The following SMCR8 variants were observed in gnomAD, a reference collection of about 807,000 sequenced individuals.
SMCR8 encodes SMCR8-C9orf72 complex subunit.
A neutral mutation model predicts 56.6 loss-of-function variants in SMCR8; 30 were observed. The observed-to-expected ratio is 0.53, with a 90% CI of 0.40 to 0.72. SMCR8 has a LOEUF of 0.72. Among genes scored for constraint, SMCR8 ranks in the 30% least tolerant of loss-of-function variants. SMCR8 has a pLI of 0.00. For missense variants in SMCR8, 1,198 were observed against 1,157.0 expected, an observed-to-expected ratio of 1.04 and a Z score of -0.51; for synonymous variants, 538 against 456.0, an observed-to-expected ratio of 1.18 and a Z score of -2.29.
At chr17:18,321,464 C>T (rs8074444) in intron 1 of SMCR8, among the ~76,000 whole-genome samples, 59,143 of 152,096 alleles carry the variant, frequency 0.39, 13,234 homozygotes, top group African/African-American at 0.61. Flanking sequence ...GTAGTGATGG[C>T]GATGACAGCA....
intron 1 of SMCR8, among the ~76,000 whole-genome samples, chr17:18,318,406 TA>T (rs1982398851): frequency 6.6e-6 from 1 of 152,198 alleles, no homozygotes; most frequent in Non-Finnish European, 1.5e-5. Context: ...TTTTTATTTT[TA>T]TTTTTATTTT....
At position 18,322,946 on chromosome 17, in the gene SMCR8, AGGATGTTAGGGT is replaced by A; in HGVS notation, c.2693_2704del (p.Asp898_Val901del). 6.2e-7 allele frequency: 1 copy of A among 1,614,216 alleles called. No homozygotes were observed. On this transcript the variant is annotated inframe_deletion, in exon 2 of 2. Coordinates refer to ENST00000406438, the MANE Select transcript of SMCR8 (RefSeq NM_144775.3). ...AAGCTGACCCTGGGTCTGGTGAATG[AGGATGTTAGGGT>A]GGTCCAGTACCTGGCTGAGCTGCTG...
In SMCR8 at chr17:18,316,818, C is replaced by T. The variant is rs754667803; in HGVS notation, c.1029C>T (p.His343=). The part of the protein sequence containing the change: ...QTLAQLSHIE[H]MFRGDLCYLL... ...TGGCTCAGCTCAGCCACATTGAACA[C>T]ATGTTCAGAGGAGACCTGTGTTACC... The change falls in exon 1 of 2, where the codon CAC becomes CAT. Residue 343 remains histidine (H), a synonymous_variant. Transcript: ENST00000406438. 77 of 1,614,118 alleles carry T rather than the reference C, an allele frequency of 4.8e-5. No individual in the cohort carries two copies. The highest frequency in any genetic ancestry group is 6.5e-5 in the Non-Finnish European group (77 of 1,180,048).
In SMCR8 at chr17:18,321,931, G is replaced by A. The variant is rs187914060; in HGVS notation, c.2361-686G>A. On this transcript the variant is annotated intron_variant, in intron 1 of 1. Transcript: ENST00000406438. ...AGGTCACAGCAGGAAAGCAGGAGAG[G>A]ATCAGGGAAGGCTGAATATGCTTTA... 1.3e-3 allele frequency among the ~76,000 whole-genome samples: 197 copies of A among 152,354 alleles called. 1 individual carries two copies. The highest frequency in any genetic ancestry group is 0.01 in the Middle Eastern group (3 of 294).
At chr17:18,322,593 C>T in intron 1 of SMCR8, 24 bp from the exon 2 acceptor site, 2 of 1,604,476 alleles carry the variant, frequency 1.2e-6, no homozygotes, top group Non-Finnish European at 1.7e-6. Flanking sequence ...GCCCTTCCTC[C>T]TGACCTTGGC....
chr17:18,318,867 C>T (rs572169001), intron 1 of SMCR8, among the ~76,000 whole-genome samples: 6 of 152,202 alleles, frequency 3.9e-5, no homozygotes, highest in Admixed American at 2.0e-4. Flanking sequence ...CAGATGACTC[C>T]GGGGGAAAGG....
chr17:18,319,802 C>T, intron 1 of SMCR8, among the ~76,000 whole-genome samples: 1 of 152,186 alleles, frequency 6.6e-6, no homozygotes, highest in East Asian at 1.9e-4. Flanking sequence ...CCCACTGCAG[C>T]CTCTGCTTCC....
In SMCR8 at chr17:18,325,211, G is replaced by T. The variant is rs1349470490; in HGVS notation, c.*2141G>T. Reference sequence around the variant, plus strand: ...CACAGCTCATACTGTTCTCACCTGGGAAACTTGGGAAGGGCTGATGAGTTT... The same window carrying T: ...CACAGCTCATACTGTTCTCACCTGGTAAACTTGGGAAGGGCTGATGAGTTT... On this transcript the variant is annotated 3_prime_UTR_variant, in exon 2 of 2. Transcript: ENST00000406438. The T allele has an allele frequency of 6.6e-6, 1 of 152,260 alleles. No homozygotes were observed. The highest frequency in any genetic ancestry group is 1.5e-5 in the Non-Finnish European group (1 of 68,066). 9.4% of individuals were successfully genotyped at this position (152,260 alleles called of 1,614,324 possible).
chr17:18,322,878 G>A lies in SMCR8; in HGVS notation c.2622G>A (p.Lys874=). The A allele has an allele frequency of 6.2e-7, 1 of 1,614,148 alleles. No homozygotes were observed. Among genetic ancestry groups the A allele is most frequent in the Non-Finnish European group, 8.5e-7 (1 of 1,179,976 alleles). ...ACCTGCACCTGCCTACCCACGACAA[G>A]GAGACAGAGGAGCTGGTAGCCAGCC... ...CHHLHLPTHD[K]ETEELVASRQ... Residue 874 remains lysine (K), a synonymous_variant, in exon 2 of 2, where the codon AAG becomes AAA. Transcript: ENST00000406438.
At position 18,316,266 on chromosome 17, in the gene SMCR8, T is replaced by G. The variant is rs750626400; in HGVS notation, c.477T>G (p.Ser159=). ...FVRPFCMAYI[S]ADQHKIMQQF... is the part of the protein sequence containing the mutation. The stretch of plus-strand genomic sequence containing the variant: ...GGCCGTTTTGCATGGCTTATATCTC[T>G]GCAGACCAGCATAAAATCATGCAGC... Residue 159 remains serine (S), a synonymous_variant, in exon 1 of 2, where the codon TCT becomes TCG. Transcript: ENST00000406438. 1.2e-6 allele frequency: 2 copies of G among 1,613,940 alleles called. No homozygotes were observed. The highest frequency in any genetic ancestry group is 1.7e-6 in the Non-Finnish European group (2 of 1,180,036).
intron 1 of SMCR8, among the ~76,000 whole-genome samples, chr17:18,318,524 G>C (rs9892072): frequency 0.024 from 3,654 of 152,098 alleles, 168 homozygotes; most frequent in African/African-American, 0.084. Context: ...TTGCCTCACT[G>C]TCCTGAGTAG....
rs769224659 is a variant in SMCR8, at chr17:18,317,880, G to T, written c.2091G>T (p.Leu697=). The T allele has an allele frequency of 6.2e-7, 1 of 1,614,158 alleles. No homozygotes were observed. Among genetic ancestry groups the T allele is most frequent in the East Asian group, 2.2e-5 (1 of 44,886 alleles). Residue 697 remains leucine (L), a synonymous_variant, in exon 1 of 2, where the codon CTG becomes CTT. Transcript: ENST00000406438. ...TCCCCTCTGCTTATCCTGCTGGCCT[G>T]TCTTCCGATAGGCATAAAAAGAGGG... The part of the protein sequence containing the change: ...DRIPSAYPAG[L]SSDRHKKRAG...
rs1982586308 is a variant in SMCR8, at chr17:18,324,272, C to G, written c.*1202C>G. 6.6e-6 allele frequency: 1 copy of G among 152,246 alleles called. No individual in the cohort carries two copies. The highest frequency in any genetic ancestry group is 2.4e-5 in the African/African-American group (1 of 41,448). The allele number at this position is 152,246 out of a possible 1,614,324, so 9.4% of individuals were successfully genotyped here. A position where few individuals can be genotyped will look rare whatever the true frequency, so the allele number is the denominator to read the frequency against. On this transcript the variant is annotated 3_prime_UTR_variant, in exon 2 of 2. Transcript: ENST00000406438. Reference sequence around the variant, plus strand: ...AGTCACCACAGCTCACGGCCGTCCCCAGTTGAGTCCCCCTTCTGAGGACAA... The same window carrying G: ...AGTCACCACAGCTCACGGCCGTCCCGAGTTGAGTCCCCCTTCTGAGGACAA...
chr17:18,315,540 G>T lies in SMCR8; in HGVS notation c.-250G>T. On this transcript the variant is annotated 5_prime_UTR_variant, in exon 1 of 2. In the 5' UTR this introduces an upstream ATG that the reference lacks. Coordinates refer to ENST00000406438, the MANE Select transcript of SMCR8 (RefSeq NM_144775.3). ...CGCGCTCGCCGGACGAAGAAGAGAA[G>T]GGCAGTTGGGCCTGCGGCCTTGGCG... 1 of 460,646 alleles carries T rather than the reference G, an allele frequency of 2.2e-6. No individual in the cohort carries two copies. The highest frequency in any genetic ancestry group is 3.8e-6 in the Non-Finnish European group (1 of 259,928). 28.5% of individuals were successfully genotyped at this position (460,646 alleles called of 1,614,324 possible).
In SMCR8 at chr17:18,327,066, T is replaced by G. The variant is rs941454; in HGVS notation, c.*3996T>G. 33,760 of 152,424 alleles carry G rather than the reference T, an allele frequency of 0.22. 3,947 individuals carry two copies. Among genetic ancestry groups the G allele is most frequent in the East Asian group, 0.3 (1,576 of 5,178 alleles). The allele number at this position is 152,424 out of a possible 1,614,324, so 9.4% of individuals were successfully genotyped here. On this transcript the variant is annotated 3_prime_UTR_variant, in exon 2 of 2. Transcript: ENST00000406438. ...ATGGAACATAATAAAACTGGAGATA[T>G]GGTTTTTAACACTGCAAAAAGGAAA...
chr17:18,316,452 C>A lies in SMCR8; in HGVS notation c.663C>A (p.Asp221Glu). The stretch of plus-strand genomic sequence containing the variant: ...CGGAGATCCAGAAGAAAGCCAACGA[C>A]AAAGGCTTTTACTCATCTCAGGCAA... ...TETEIQKKAN[D>E]KGFYSSQAIE... The change falls in exon 1 of 2, where the codon GAC becomes GAA. Residue 221 changes from aspartate to glutamate, a missense_variant. Physicochemically the swap from Asp to Glu is conservative, Grantham distance 45 (BLOSUM62 2). Transcript: ENST00000406438. 6.2e-7 allele frequency: 1 copy of A among 1,614,164 alleles called. No homozygotes were observed. Among genetic ancestry groups the A allele is most frequent in the South Asian group, 1.1e-5 (1 of 91,088 alleles).
rs1184715353 is a variant in SMCR8, at chr17:18,324,463, A to T, written c.*1393A>T. 2 of 152,304 alleles carry T rather than the reference A, an allele frequency of 1.3e-5. No homozygotes were observed. Among genetic ancestry groups the T allele is most frequent in the African/African-American group, 4.8e-5 (2 of 41,464 alleles). 9.4% of individuals were successfully genotyped at this position (152,304 alleles called of 1,614,324 possible). On this transcript the variant is annotated 3_prime_UTR_variant, in exon 2 of 2. Coordinates refer to ENST00000406438, the MANE Select transcript of SMCR8 (RefSeq NM_144775.3). The stretch of plus-strand genomic sequence containing the variant: ...TTCCCTAAGTGGGGACAGCTCTGGT[A>T]TTACTGCTTCTTTAATTTGTTCCAC...
rs151245523 is a variant in SMCR8 at position 18,316,197 on chromosome 17, G to A, written c.408G>A (p.Val136=). 3.8e-4 allele frequency: 618 copies of A among 1,613,802 alleles called. No homozygotes were observed. Among genetic ancestry groups the A allele is most frequent in the Non-Finnish European group, 5.0e-4 (590 of 1,180,036 alleles). The change falls in exon 1 of 2, where the codon GTG becomes GTA. Residue 136 remains valine, a synonymous_variant. Coordinates refer to ENST00000406438, the MANE Select transcript of SMCR8 (RefSeq NM_144775.3). The part of the protein sequence containing the change: ...GDSKEGAFAY[V]HHLTLYDLEA... ...CTAAGGAGGGCGCCTTTGCATACGT[G>A]CACCACCTTACCCTATACGACCTGG...
chr17:18,321,262 G>C (rs1391005923), intron 1 of SMCR8, among the ~76,000 whole-genome samples: 1 of 152,330 alleles, frequency 6.6e-6, no homozygotes, highest in East Asian at 1.9e-4. Flanking sequence ...GCTGCTTCAG[G>C]AGGGTGTTTA....
Sources: gnomAD v4.1 joint callset for allele counts (sites outside exome capture counted in the v4.1 genomes callset) on GRCh38, gnomAD v4.1.1 for gene constraint, MANE v1.5 for transcripts, NCBI Gene and HGNC (gene_info 2026-07-23, HGNC 2026-07-21) for gene names.